The following MYO7B variants were observed in gnomAD, a reference collection of about 807,000 sequenced individuals.
The protein encoded by MYO7B is unconventional myosin-VIIb.
MYO7B carries 212 observed loss-of-function variants against 259.7 expected under a neutral mutation model. The observed-to-expected ratio is 0.82, with a 90% CI of 0.73 to 0.91. The LOEUF is 0.91. Ranked by LOEUF, MYO7B falls within the 40% of genes least tolerant of loss-of-function variation. The probability of loss-of-function intolerance (pLI) is 0.00; values close to 1 mark genes in which losing one functional copy is unlikely to be tolerated. For missense variants in MYO7B, 2,732 were observed against 2,813.5 expected, an observed-to-expected ratio of 0.97 and a Z score of 0.66; for synonymous variants, 1,197 against 1,166.4, an observed-to-expected ratio of 1.03 and a Z score of -0.54.
chr2:127,606,019 A>G (rs1680147523), intron 20 of MYO7B, 91 bp downstream of exon 20: 1 of 1,049,502 alleles, frequency 9.5e-7, no homozygotes. Context: ...TCTCTGAATG[A>G]GAGACCTCAG....
At chr2:127,564,304 C>G (rs1558801808) in intron 3 of MYO7B, 38 bp downstream of exon 3, 2 of 1,481,686 alleles carry the variant, frequency 1.3e-6, no homozygotes, top group East Asian at 5.0e-5. Flanking sequence ...CCTGCCCTGC[C>G]CTCACATCCA....
At chr2:127,581,559 G>T (rs945930441) in intron 10 of MYO7B, among the ~76,000 whole-genome samples, 3 of 152,190 alleles carry the variant, frequency 2.0e-5, no homozygotes, top group Non-Finnish European at 4.4e-5. Context: ...TGCTCCTTTA[G>T]ACTCTCAGCC....
At chr2:127,564,097 G>T in intron 2 of MYO7B, 56 bp from the exon 3 acceptor site, 1 of 1,261,702 alleles carries the variant, frequency 7.9e-7, no homozygotes, top group South Asian at 1.4e-5. Flanking sequence ...TAAGTATCCA[G>T]CAGGGAGGGG....
Position 127,622,109 on chromosome 2 carries a change from C to T in MYO7B, c.3645+8C>T, listed in dbSNP as rs773321391. On this transcript the variant is annotated splice_region_variant and intron_variant, in intron 28 of 47. Transcript: ENST00000409816. ...ACCTGGCTGGAGCTGCAGGTAGGGG[C>T]TGGCAGGGGTGAGAGCGGGCAGGGT... The T allele has an allele frequency of 5.2e-6, 8 of 1,547,858 alleles. No individual in the cohort carries two copies. In the African/African-American group the frequency reaches 9.6e-5, roughly 19 times the overall value.
At chr2:127,588,104 A>G (rs1300310521) in intron 14 of MYO7B, among the ~76,000 whole-genome samples, 1 of 152,120 alleles carries the variant, frequency 6.6e-6, no homozygotes. Flanking sequence ...CCTTAGCCCT[A>G]GTAGGATCTG....
chr2:127,571,729 C>T (rs1173735278), intron 6 of MYO7B, among the ~76,000 whole-genome samples: 2 of 152,094 alleles, frequency 1.3e-5, no homozygotes, highest in African/African-American at 4.8e-5. Context: ...ATCCACCCGC[C>T]TCGGCCTCCC....
rs1198251395 is a variant in MYO7B, at chr2:127,546,414, C to T, written c.-24+10583C>T. Among the ~76,000 whole-genome samples, 1 of 152,184 alleles carries T rather than the reference C, an allele frequency of 6.6e-6. No individual in the cohort carries two copies. The highest frequency in any genetic ancestry group is 1.9e-4 in the East Asian group (1 of 5,190). ...CAGCAATGCTTTGATCTTCCCTGCA[C>T]CTCCACCTCCCCACTTGCCTTTCAG... On this transcript the variant is annotated intron_variant, in intron 1 of 47. Transcript: ENST00000409816. The surrounding 1 kb of genome is among the most constrained non-coding windows in gnomAD (Gnocchi z 4.2).
chr2:127,556,003 C>A (rs1370924878), intron 1 of MYO7B, among the ~76,000 whole-genome samples: 1 of 152,070 alleles, frequency 6.6e-6, no homozygotes, highest in Non-Finnish European at 1.5e-5. Flanking sequence ...GTATTGAAGT[C>A]CCCGGCTATT....
In MYO7B at chr2:127,635,784, G is replaced by A. The variant is rs150007517; in HGVS notation, c.5883G>A (p.Ala1961=). 1,683 of 1,598,358 alleles carry A rather than the reference G, an allele frequency of 1.1e-3. 13 individuals are homozygous for A. In the African/African-American group the frequency reaches 0.018, roughly 17 times the overall value. The part of the protein sequence containing the change: ...KCSREDAIHL[A]GLIYKAQFNN... ...CGCGGGAGGATGCCATCCACCTGGC[G>A]GGCCTCATCTACAAGGCCCAGTTCA... The change falls in exon 44 of 48, where the codon GCG becomes GCA. Residue 1961 remains alanine (A), a synonymous_variant. Coordinates refer to ENST00000409816, the MANE Select transcript of MYO7B (RefSeq NM_001393586.1).
In MYO7B at chr2:127,565,302, G is replaced by A. The variant is rs761035843; in HGVS notation, c.202G>A (p.Asp68Asn). 1.2e-6 allele frequency: 2 copies of A among 1,614,042 alleles called. No individual in the cohort carries two copies. The highest frequency in any genetic ancestry group is 1.3e-5 in the African/African-American group (1 of 75,058). The change falls in exon 4 of 48, where the codon GAC becomes AAC. Residue 68 changes from aspartate to asparagine, a missense_variant. By Grantham distance (23) the Asp-to-Asn change is conservative. Transcript: ENST00000409816. The stretch of plus-strand genomic sequence containing the variant: ...GCACCCCAACTCAGTCCAGGGTGTG[G>A]ACGACATGATCCGCCTGGGGGACCT... ...PMHPNSVQGVDDMIRLGDLNE... is the reference protein window; with the variant it reads ...PMHPNSVQGVNDMIRLGDLNE...
intron 6 of MYO7B, among the ~76,000 whole-genome samples, chr2:127,573,476 G>A (rs966725109): frequency 4.6e-5 from 7 of 152,282 alleles, no homozygotes; most frequent in African/African-American, 1.7e-4. Context: ...TGGCCTCTCC[G>A]TATCAGCCTC....
chr2:127,611,810 G>T lies in MYO7B; in HGVS notation c.3193-440G>T, dbSNP rs1680397251. ...TCAACCCCGGCTCTTCGGATCCCCT[G>T]CAGAGCACCTTGCAGTGGCAGAGCA... On this transcript the variant is annotated intron_variant, in intron 24 of 47. Transcript: ENST00000409816. This position sits in a 1 kb window ranked among gnomAD's most constrained non-coding sequence, Gnocchi z 5.4. 6.6e-6 allele frequency among the ~76,000 whole-genome samples: 1 copy of T among 152,170 alleles called. No individual in the cohort carries two copies. The highest frequency in any genetic ancestry group is 1.5e-5 in the Non-Finnish European group (1 of 68,032).
Position 127,585,155 on chromosome 2 carries a change from C to T in MYO7B, c.1690+242C>T, listed in dbSNP as rs953603824. On this transcript the variant is annotated intron_variant, in intron 14 of 47. Coordinates refer to ENST00000409816, the MANE Select transcript of MYO7B (RefSeq NM_001393586.1). The surrounding 1 kb of genome is among the most constrained non-coding windows in gnomAD (Gnocchi z 4.3). ...ATGTTATTTACCTATTTTAAGTGTA[C>T]GACTTGACTGTAATATATTCAGAGT... 1.4e-4 allele frequency among the ~76,000 whole-genome samples: 21 copies of T among 152,246 alleles called. No individual in the cohort carries two copies. Among genetic ancestry groups the T allele is most frequent in the Middle Eastern group, 3.4e-3 (1 of 294 alleles).
At chr2:127,558,061 C>A (rs760232670) in intron 1 of MYO7B, among the ~76,000 whole-genome samples, 16 of 152,014 alleles carry the variant, frequency 1.1e-4, no homozygotes, top group Non-Finnish European at 2.1e-4. Flanking sequence ...AACAGATAAC[C>A]CATAAAGTGG....
chr2:127,565,137 G>C (rs1678275517), intron 3 of MYO7B, 96 bp from the exon 4 acceptor site: 1 of 1,474,696 alleles, frequency 6.8e-7, no homozygotes, highest in African/African-American at 1.4e-5. Flanking sequence ...GACCCGGAAG[G>C]TCACCTTGCT....
At position 127,636,863 on chromosome 2, in the gene MYO7B, G is replaced by A. The variant is rs763751635; in HGVS notation, c.6277G>A (p.Ala2093Thr). The A allele has an allele frequency of 2.5e-6, 4 of 1,613,582 alleles. No individual in the cohort carries two copies. The highest frequency in any genetic ancestry group is 3.4e-6 in the Non-Finnish European group (4 of 1,179,874). ...CAGCGGCAGCACCTACTTCCACATG[G>A]CGCTGGGGAGCCTGGGCCGTGGCAG... ...WSSGSTYFHMALGSLGRGSRL... is the reference protein window; with the variant it reads ...WSSGSTYFHMTLGSLGRGSRL... Residue 2093 changes from alanine to threonine, a missense_variant, in exon 47 of 48, where the codon GCG becomes ACG. By Grantham distance (58) the Ala-to-Thr change is moderately conservative. Transcript: ENST00000409816. This position sits in a 1 kb window ranked among gnomAD's most constrained non-coding sequence, Gnocchi z 4.5.
Position 127,609,361 on chromosome 2 carries a change from AATGTGGGGATGGGT to A in MYO7B, c.2815-144_2815-131del. The A allele has an allele frequency of 1.4e-6, 1 of 732,284 alleles. No individual in the cohort carries two copies. The highest frequency in any genetic ancestry group is 2.3e-6 in the Non-Finnish European group (1 of 436,546). 45.4% of individuals were successfully genotyped at this position (732,284 alleles called of 1,614,324 possible). A position where few individuals can be genotyped will look rare whatever the true frequency, so the allele number is the denominator to read the frequency against. On this transcript the variant is annotated intron_variant, in intron 22 of 47. Coordinates refer to ENST00000409816, the MANE Select transcript of MYO7B (RefSeq NM_001393586.1). This position sits in a 1 kb window ranked among gnomAD's most constrained non-coding sequence, Gnocchi z 6.9. ...CACGGCAGCCCACCTGAGCCCACTG[AATGTGGGGATGGGT>A]GGTCTCCAGCACCTGAGGGATCAGG...
At chr2:127,635,982 C>T (rs1681780531) in intron 44 of MYO7B, 75 bp downstream of exon 44, 1 of 1,490,674 alleles carries the variant, frequency 6.7e-7, no homozygotes, top group African/African-American at 1.4e-5. Context: ...CCATGCCCTG[C>T]CTGGGCTCCA....
chr2:127,575,610 G>C (rs1186697211), intron 7 of MYO7B, among the ~76,000 whole-genome samples: 1 of 152,080 alleles, frequency 6.6e-6, no homozygotes. Flanking sequence ...ACTATTTATA[G>C]ATATACTATA....
Sources: gnomAD v4.1 joint callset for allele counts (sites outside exome capture counted in the v4.1 genomes callset) on GRCh38, gnomAD v4.1.1 for gene constraint, Gnocchi (gnomAD v3.1) non-coding constraint, MANE v1.5 for transcripts, NCBI Gene and HGNC (gene_info 2026-07-23, HGNC 2026-07-21) for gene names.